The following PLA2R1 variants were observed in gnomAD, a reference collection of about 807,000 sequenced individuals.
PLA2R1 encodes the protein phospholipase A2 receptor 1.
A neutral mutation model predicts 195.9 loss-of-function variants in PLA2R1; 158 were observed. The ratio of observed to expected loss-of-function variants is 0.81; its 90% CI spans 0.71 to 0.92. The LOEUF is 0.92. Ranked by LOEUF, PLA2R1 falls within the 40% of genes least tolerant of loss-of-function variation. The probability of loss-of-function intolerance (pLI) is 0.00; values close to 1 mark genes in which losing one functional copy is unlikely to be tolerated. For missense variants in PLA2R1, 1,626 were observed against 1,764.6 expected (o/e 0.92, Z 1.41); for synonymous variants, 586 against 598.2 (o/e 0.98, Z 0.30).
At chr2:160,018,973 T>C (rs1256371416) in intron 8 of PLA2R1, among the ~76,000 whole-genome samples, 1 of 152,238 alleles carries the variant, frequency 6.6e-6, no homozygotes, top group Non-Finnish European at 1.5e-5. Flanking sequence ...CATGGACATC[T>C]ACCAAATCCC....
intron 11 of PLA2R1, among the ~76,000 whole-genome samples, chr2:160,001,011 G>A (rs926481165): frequency 1.3e-5 from 2 of 152,094 alleles, no homozygotes; most frequent in African/African-American, 2.4e-5. Context: ...CCAGAGTTGT[G>A]TAAAACCAAC....
intron 3 of PLA2R1, among the ~76,000 whole-genome samples, chr2:160,039,417 A>T (rs906753902): frequency 6.6e-5 from 10 of 152,254 alleles, no homozygotes; most frequent in African/African-American, 2.2e-4. Flanking sequence ...CTTCACCGCT[A>T]GTATATTTGT....
At chr2:160,039,806 C>CTGTA (rs780138150) in intron 3 of PLA2R1, among the ~76,000 whole-genome samples, 1 of 151,966 alleles carries the variant, frequency 6.6e-6, no homozygotes, top group Non-Finnish European at 1.5e-5. Flanking sequence ...AGCTTCTGAG[C>CTGTA]TGTACAAGGC....
At chr2:159,965,627 C>T (rs796823063) in intron 20 of PLA2R1, among the ~76,000 whole-genome samples, 37 of 152,216 alleles carry the variant, frequency 2.4e-4, no homozygotes, top group African/African-American at 8.9e-4. Flanking sequence ...TTTACATATA[C>T]ATAAGTTTTC....
intron 1 of PLA2R1, among the ~76,000 whole-genome samples, chr2:160,055,431 T>C (rs1403728116): frequency 1.3e-5 from 2 of 152,176 alleles, no homozygotes; most frequent in Non-Finnish European, 2.9e-5. Context: ...CCTAGAACAA[T>C]ACATAAATCA....
chr2:160,059,687 T>G (rs1347343325), intron 1 of PLA2R1, among the ~76,000 whole-genome samples: 1 of 152,014 alleles, frequency 6.6e-6, no homozygotes, highest in Non-Finnish European at 1.5e-5. Context: ...TACCCAAGAC[T>G]GGGAAGAAAA....
intron 20 of PLA2R1, among the ~76,000 whole-genome samples, chr2:159,967,056 T>A (rs974107671): frequency 6.6e-6 from 1 of 152,166 alleles, no homozygotes; most frequent in Non-Finnish European, 1.5e-5. Context: ...CAGAGCTCTA[T>A]GCCGGCTCCA....
intron 1 of PLA2R1, among the ~76,000 whole-genome samples, chr2:160,061,427 G>T (rs1695942338): frequency 6.6e-6 from 1 of 152,148 alleles, no homozygotes. Flanking sequence ...AGGCATAAAG[G>T]CTTCAGATCA....
chr2:160,024,600 C>T (rs541209188), intron 6 of PLA2R1, among the ~76,000 whole-genome samples: 2 of 152,190 alleles, frequency 1.3e-5, no homozygotes, highest in African/African-American at 2.4e-5. Context: ...CAGTCATACC[C>T]CCCAGCACCT....
chr2:159,965,256 T>C (rs1294004385), intron 20 of PLA2R1, among the ~76,000 whole-genome samples: 2 of 152,222 alleles, frequency 1.3e-5, no homozygotes, highest in East Asian at 3.8e-4. Context: ...ACCATTGTGC[T>C]ATCATACAGA....
chr2:160,018,200 T>C (rs947152584), intron 8 of PLA2R1, among the ~76,000 whole-genome samples: 13 of 151,836 alleles, frequency 8.6e-5, no homozygotes, highest in Non-Finnish European at 1.9e-4. Flanking sequence ...TTAATACCTA[T>C]CATCAATCTC....
intron 20 of PLA2R1, among the ~76,000 whole-genome samples, chr2:159,959,282 T>A (rs1013051988): frequency 6.6e-6 from 1 of 152,174 alleles, no homozygotes; most frequent in Non-Finnish European, 1.5e-5. Flanking sequence ...CCTCATTGGT[T>A]CAGTTAGCTC....
At chr2:159,968,712 G>T (rs1399399938) in intron 19 of PLA2R1, among the ~76,000 whole-genome samples, 2 of 152,152 alleles carry the variant, frequency 1.3e-5, no homozygotes, top group African/African-American at 4.8e-5. Context: ...GCACTGATGA[G>T]GAGAATTTAA....
Position 160,020,258 on chromosome 2 carries a change from C to G in PLA2R1, c.1300G>C (p.Ala434Pro). ...FLVTLLGDEN[A>P]SETWIGLSSN... Reference sequence around the variant, plus strand: ...CTCAAACCAATCCATGTTTCTGATGCATTTTCTGTAAGAGATAAATGTAAA... The same window carrying G: ...CTCAAACCAATCCATGTTTCTGATGGATTTTCTGTAAGAGATAAATGTAAA... Residue 434 changes from alanine (A) to proline (P), a missense_variant, in exon 8 of 30, where the codon GCA (alanine) becomes CCA (proline). By Grantham distance (27) the Ala-to-Pro change is conservative (BLOSUM62 -1). Coordinates refer to ENST00000283243, the MANE Select transcript of PLA2R1 (RefSeq NM_007366.5). The G allele has an allele frequency of 6.2e-7, 1 of 1,607,308 alleles. No individual in the cohort carries two copies. Among genetic ancestry groups the G allele is most frequent in the Non-Finnish European group, 8.5e-7 (1 of 1,175,948 alleles).
chr2:160,048,838 ATTT>A (rs1205003993), intron 1 of PLA2R1, among the ~76,000 whole-genome samples: 1 of 127,822 alleles, frequency 7.8e-6, no homozygotes. Flanking sequence ...TAGAAGAAAC[ATTT>A]TTTTTTTTTT....
chr2:159,930,432 TTG>T (rs1310400114), downstream of PLA2R1, among the ~76,000 whole-genome samples: 1 of 150,596 alleles, frequency 6.6e-6, no homozygotes, highest in Non-Finnish European at 1.5e-5. Flanking sequence ...AGACTACACA[TTG>T]GTTACAGCGT....
chr2:159,979,597 T>C lies in PLA2R1; in HGVS notation c.2268+233A>G, dbSNP rs1158953169. Among the ~76,000 whole-genome samples, 5 of 152,140 alleles carry C rather than the reference T, an allele frequency of 3.3e-5. No individual in the cohort carries two copies. In the East Asian group the frequency reaches 9.6e-4, roughly 29 times the overall value. ...ATGGGAGATGGTTTGGGGGGACTTT[T>C]TGGAGGTTTTTGATACTTTTTCAGG... On this transcript the variant is annotated intron_variant, in intron 14 of 29. Transcript: ENST00000283243.
In PLA2R1 at chr2:159,969,294, TTA is replaced by T. The variant is rs764585495; in HGVS notation, c.2724_2725del (p.Asn908LysfsTer18). On this transcript the variant is annotated frameshift_variant, in exon 19 of 30. Coordinates refer to ENST00000283243, the MANE Select transcript of PLA2R1 (RefSeq NM_007366.5). LOFTEE classifies it high-confidence loss of function. ...AATAAAGCCACATCTCTGGCTCTGA[TTA>T]TTCACAGTTCTTTCTCTTCCTGTGT... 1.9e-6 allele frequency: 3 copies of T among 1,607,806 alleles called. No individual in the cohort carries two copies. In the Admixed American group the frequency reaches 5.0e-5, roughly 27 times the overall value.
At chr2:160,059,956 T>C (rs1695841590) in intron 1 of PLA2R1, among the ~76,000 whole-genome samples, 1 of 152,158 alleles carries the variant, frequency 6.6e-6, no homozygotes, top group Non-Finnish European at 1.5e-5. Context: ...GAGATACAAT[T>C]CAAGTTGAGA....
Sources: gnomAD v4.1 joint callset for allele counts (sites outside exome capture counted in the v4.1 genomes callset) on GRCh38, gnomAD v4.1.1 for gene constraint, MANE v1.5 for transcripts, NCBI Gene and HGNC (gene_info 2026-07-23, HGNC 2026-07-21) for gene names.